Variants in RFTN1 observed in about 807,000 individuals in gnomAD.
RFTN1 encodes raftlin, lipid raft linker 1.
In RFTN1, 26 loss-of-function variants were observed where a neutral mutation model predicts 46.5. The ratio of observed to expected loss-of-function variants is 0.56; its 90% CI spans 0.41 to 0.78. The LOEUF (loss-of-function observed/expected upper bound fraction) is 0.78, where lower values mean the gene tolerates loss of function less well. Among genes scored for constraint, RFTN1 ranks in the 30% least tolerant of loss-of-function variants. The pLI is 0.00. For synonymous variants in RFTN1, 261 were observed against 284.2 expected, an observed-to-expected ratio of 0.92 and a Z score of 0.82; for missense variants, 693 against 718.7, an observed-to-expected ratio of 0.96 and a Z score of 0.41.
chr3:16,448,403 T>C lies in RFTN1; in HGVS notation c.146-14366A>G, dbSNP rs1204620426. Among the ~76,000 whole-genome samples, 1 of 152,220 alleles carries C rather than the reference T, an allele frequency of 6.6e-6. No individual in the cohort carries two copies. Among genetic ancestry groups the C allele is most frequent in the African/African-American group, 2.4e-5 (1 of 41,452 alleles). On this transcript the variant is annotated intron_variant, in intron 2 of 9. Transcript: ENST00000334133. The surrounding 1 kb of genome is among the most constrained non-coding windows in gnomAD (Gnocchi z 4.1). ...GTTGACTTTTATGGAGGTGCCAATT[T>C]AATTCCTTTTTCAACATTCTTTAGC...
In RFTN1 at chr3:16,409,478, T is replaced by G. The variant is rs1378772752; in HGVS notation, c.338A>C (p.Gln113Pro). ...GCCTTCATTGTGAAGATCAGTTTTC[T>G]GAGATCTGAAGAGAAAGAAAAGCAC... ...AILIKKTDRS[Q>P]KTDLHNEGYI... Residue 113 changes from glutamine (Q) to proline (P), a missense_variant, in exon 4 of 10, where the codon CAG becomes CCG. Coordinates refer to ENST00000334133, the MANE Select transcript of RFTN1 (RefSeq NM_015150.2). 4 of 1,605,552 alleles carry G rather than the reference T, an allele frequency of 2.5e-6. No individual in the cohort carries two copies. The Admixed American group carries it at 6.7e-5, about 27-fold the overall frequency.
rs2125390646 is a variant in RFTN1, at chr3:16,384,634, A to G, written c.442-6532T>C. Among the ~76,000 whole-genome samples the G allele has an allele frequency of 6.6e-6, 1 of 152,338 alleles. No homozygotes were observed. Among genetic ancestry groups the G allele is most frequent in the South Asian group, 2.1e-4 (1 of 4,824 alleles). On this transcript the variant is annotated intron_variant, in intron 4 of 9. Coordinates refer to ENST00000334133, the MANE Select transcript of RFTN1 (RefSeq NM_015150.2). The surrounding 1 kb of genome is among the most constrained non-coding windows in gnomAD (Gnocchi z 4.7). ...TTCTACAAGTTACATAATAAACTTAATGAAATGCCTGTAACTAATGAGCTA... is the reference window on the plus strand; with the variant it reads ...TTCTACAAGTTACATAATAAACTTAGTGAAATGCCTGTAACTAATGAGCTA...
At chr3:16,350,387 G>A (rs1335203914) in intron 7 of RFTN1, 3 of 152,154 alleles carry the variant, frequency 2.0e-5, no homozygotes, top group African/African-American at 4.8e-5. Flanking sequence ...TGAAATTGCT[G>A]AGTCATGGAT....
chr3:16,476,166 T>G (rs1199985432), intron 2 of RFTN1, among the ~76,000 whole-genome samples: 2 of 152,216 alleles, frequency 1.3e-5, no homozygotes, highest in Admixed American at 6.5e-5. Flanking sequence ...CAGTTGAATT[T>G]CTATTGGGTT....
chr3:16,476,084 T>C (rs138079984), intron 2 of RFTN1, among the ~76,000 whole-genome samples: 101 of 152,326 alleles, frequency 6.6e-4, no homozygotes, highest in Non-Finnish European at 1.3e-3. Context: ...GGTCATTTAG[T>C]TGCCATCTTT....
At chr3:16,365,485 T>G (rs796648959) in intron 6 of RFTN1, among the ~76,000 whole-genome samples, 2 of 140,010 alleles carry the variant, frequency 1.4e-5, no homozygotes, top group Non-Finnish European at 3.1e-5. Context: ...TGTGTTTTAC[T>G]TATGTATTTT....
rs56358806 is a variant in RFTN1 at position 16,422,450 on chromosome 3, G to A, written c.332+11401C>T. On this transcript the variant is annotated intron_variant, in intron 3 of 9. Coordinates refer to ENST00000334133, the MANE Select transcript of RFTN1 (RefSeq NM_015150.2). This position sits in a 1 kb window ranked among gnomAD's most constrained non-coding sequence, Gnocchi z 4.6. ...TGGAGACCATCCTGGCCAACATGGT[G>A]AAACCCCGTTTCTACTAAAAATACA... is the stretch of plus-strand genomic sequence containing the variant. Among the ~76,000 whole-genome samples the A allele has an allele frequency of 0.079, 12,059 of 152,078 alleles. 687 individuals are homozygous for A. Among genetic ancestry groups the A allele is most frequent in the Non-Finnish European group, 0.13 (8,513 of 67,962 alleles).
intron 4 of RFTN1, among the ~76,000 whole-genome samples, chr3:16,396,541 G>A (rs2125412606): frequency 6.6e-6 from 1 of 152,292 alleles, no homozygotes; most frequent in African/African-American, 2.4e-5. Context: ...GAAGTGCCGA[G>A]CACGTCTTTC....
At chr3:16,467,887 C>T (rs2076128441) in intron 2 of RFTN1, among the ~76,000 whole-genome samples, 1 of 152,220 alleles carries the variant, frequency 6.6e-6, no homozygotes. Context: ...CTTCATCCCT[C>T]ACCCCACTCG....
At chr3:16,435,580 A>C (rs1181617329) in intron 2 of RFTN1, among the ~76,000 whole-genome samples, 1 of 152,170 alleles carries the variant, frequency 6.6e-6, no homozygotes, top group African/African-American at 2.4e-5. Context: ...CAAAAAGCAA[A>C]AAAACAAAAC....
rs1183400830 is a variant in RFTN1 at position 16,446,872 on chromosome 3, T to G, written c.146-12835A>C. ...CTCTGTAACAAAATTTCACACTGGT[T>G]TATCAATAAAGTCTTAGGTGAATTT... On this transcript the variant is annotated intron_variant, in intron 2 of 9. Coordinates refer to ENST00000334133, the MANE Select transcript of RFTN1 (RefSeq NM_015150.2). The surrounding 1 kb of genome is among the most constrained non-coding windows in gnomAD (Gnocchi z 4.5). 1.3e-5 allele frequency among the ~76,000 whole-genome samples: 2 copies of G among 152,192 alleles called. No homozygotes were observed. Among genetic ancestry groups the G allele is most frequent in the Admixed American group, 6.5e-5 (1 of 15,280 alleles).
At position 16,457,142 on chromosome 3, in the gene RFTN1, G is replaced by A. The variant is rs1490370270; in HGVS notation, c.146-23105C>T. 1.3e-5 allele frequency among the ~76,000 whole-genome samples: 2 copies of A among 152,208 alleles called. No individual in the cohort carries two copies. The highest frequency in any genetic ancestry group is 4.8e-5 in the African/African-American group (2 of 41,448). ...TTGTTTTACAGCCTCTGCAAGTACA[G>A]ATGACTAACTGCTTCTACGCAGAGC... On this transcript the variant is annotated intron_variant, in intron 2 of 9. Coordinates refer to ENST00000334133, the MANE Select transcript of RFTN1 (RefSeq NM_015150.2). This position sits in a 1 kb window ranked among gnomAD's most constrained non-coding sequence, Gnocchi z 4.2.
chr3:16,418,505 A>G lies in RFTN1; in HGVS notation c.333-9022T>C, dbSNP rs1376635773. On this transcript the variant is annotated intron_variant, in intron 3 of 9. Coordinates refer to ENST00000334133, the MANE Select transcript of RFTN1 (RefSeq NM_015150.2). This position sits in a 1 kb window ranked among gnomAD's most constrained non-coding sequence, Gnocchi z 5.0. ...TTGCTTCATTTAGAAATAATCAAAA[A>G]AAAATGGTGACAAACACAAACAGAT... Among the ~76,000 whole-genome samples the G allele has an allele frequency of 6.6e-6, 1 of 152,116 alleles. No individual in the cohort carries two copies. Among genetic ancestry groups the G allele is most frequent in the Non-Finnish European group, 1.5e-5 (1 of 68,018 alleles).
In RFTN1 at chr3:16,475,678, T is replaced by C. The variant is rs997422760; in HGVS notation, c.145+18047A>G. ...AAAATCAATGGAAAACTAAAGCAAC[T>C]AACAGACACACAGAGAGAATCACTG... On this transcript the variant is annotated intron_variant, in intron 2 of 9. Coordinates refer to ENST00000334133, the MANE Select transcript of RFTN1 (RefSeq NM_015150.2). This position sits in a 1 kb window ranked among gnomAD's most constrained non-coding sequence, Gnocchi z 4.2. Among the ~76,000 whole-genome samples, 1 of 152,068 alleles carries C rather than the reference T, an allele frequency of 6.6e-6. No homozygotes were observed. Among genetic ancestry groups the C allele is most frequent in the Non-Finnish European group, 1.5e-5 (1 of 67,992 alleles).
In RFTN1 at chr3:16,424,604, G is replaced by A. The variant is rs941080120; in HGVS notation, c.332+9247C>T. On this transcript the variant is annotated intron_variant, in intron 3 of 9. Coordinates refer to ENST00000334133, the MANE Select transcript of RFTN1 (RefSeq NM_015150.2). This position sits in a 1 kb window ranked among gnomAD's most constrained non-coding sequence, Gnocchi z 4.7. ...GTAGCCATTTTAAGTTCCAACTCATGGTCGATGATAGGAAGTGAATGAAAT... is the reference window on the plus strand; with the variant it reads ...GTAGCCATTTTAAGTTCCAACTCATAGTCGATGATAGGAAGTGAATGAAAT... Among the ~76,000 whole-genome samples, 1 of 152,124 alleles carries A rather than the reference G, an allele frequency of 6.6e-6. No individual in the cohort carries two copies. Among genetic ancestry groups the A allele is most frequent in the Admixed American group, 6.5e-5 (1 of 15,270 alleles).
chr3:16,441,685 C>T (rs2075627186), intron 2 of RFTN1, among the ~76,000 whole-genome samples: 1 of 152,238 alleles, frequency 6.6e-6, no homozygotes, highest in South Asian at 2.1e-4. Context: ...CCTAATTATT[C>T]AAAGTCTGAC....
rs988851829 is a variant in RFTN1 at position 16,374,208 on chromosome 3, A to C, written c.826+3510T>G. Among the ~76,000 whole-genome samples the C allele has an allele frequency of 6.6e-6, 1 of 152,174 alleles. No homozygotes were observed. The highest frequency in any genetic ancestry group is 2.4e-5 in the African/African-American group (1 of 41,436). On this transcript the variant is annotated intron_variant, in intron 5 of 9. Transcript: ENST00000334133. This position sits in a 1 kb window ranked among gnomAD's most constrained non-coding sequence, Gnocchi z 5.4. The stretch of plus-strand genomic sequence containing the variant: ...GAAGTGCTAAGTGGATCCCCCAGAA[A>C]TCACAAGCCAGTAAGTGGCACAGCC...
chr3:16,410,283 T>C lies in RFTN1; in HGVS notation c.333-800A>G, dbSNP rs2074958833. On this transcript the variant is annotated intron_variant, in intron 3 of 9. Transcript: ENST00000334133. This position sits in a 1 kb window ranked among gnomAD's most constrained non-coding sequence, Gnocchi z 4.6. ...CAAACTCTCACTCCAGTAATGTCTA[T>C]GTCCCATTGGTTTATATCCGCCAGG... 6.6e-6 allele frequency among the ~76,000 whole-genome samples: 1 copy of C among 151,304 alleles called. No individual in the cohort carries two copies. The highest frequency in any genetic ancestry group is 2.1e-4 in the South Asian group (1 of 4,776).
At chr3:16,486,888 G>A (rs2076455775) in intron 2 of RFTN1, among the ~76,000 whole-genome samples, 1 of 152,264 alleles carries the variant, frequency 6.6e-6, no homozygotes, top group Non-Finnish European at 1.5e-5. Context: ...GGCACAACGT[G>A]ATGGGACTAG....
Sources: allele counts gnomAD v4.1 joint callset (sites outside exome capture counted in the v4.1 genomes callset), GRCh38; gene constraint gnomAD v4.1.1; non-coding constraint Gnocchi (gnomAD v3.1); transcripts MANE v1.5; gene names NCBI Gene and HGNC (gene_info 2026-07-23, HGNC 2026-07-21).